XYLB: variants seen among roughly 807,000 people sequenced by gnomAD.
The protein encoded by XYLB is xylulokinase.
XYLB carries 62 observed loss-of-function variants against 78.7 expected under a neutral mutation model. The ratio of observed to expected loss-of-function variants is 0.79; its 90% confidence interval spans 0.64 to 0.97. The LOEUF is 0.97. XYLB is among the 50% of genes least tolerant of loss of function. The pLI is 0.00. For synonymous variants in XYLB, 245 were observed against 247.4 expected, an observed-to-expected ratio of 0.99 and a Z score of 0.09; for missense variants, 687 against 676.8, an observed-to-expected ratio of 1.02 and a Z score of -0.17.
intron 18 of XYLB, among the ~76,000 whole-genome samples, chr3:38,406,143 G>A (rs558972162): frequency 1.3e-5 from 2 of 152,316 alleles, no homozygotes; most frequent in East Asian, 3.9e-4. Context: ...CCCCCAGTAG[G>A]GGCAGATTGA....
At chr3:38,402,147 T>C (rs1708146308) in intron 18 of XYLB, among the ~76,000 whole-genome samples, 1 of 152,132 alleles carries the variant, frequency 6.6e-6, no homozygotes, top group Non-Finnish European at 1.5e-5. Flanking sequence ...TAATAGTCTG[T>C]GATACAACTA....
chr3:38,402,199 C>T (rs1011353908), intron 18 of XYLB, among the ~76,000 whole-genome samples: 2 of 152,134 alleles, frequency 1.3e-5, no homozygotes, highest in African/African-American at 4.8e-5. Context: ...TGTAAAGAAA[C>T]TGCGAGCAAA....
intron 2 of XYLB, among the ~76,000 whole-genome samples, chr3:38,350,413 AATG>A (rs2125546179): frequency 1.3e-5 from 2 of 152,316 alleles, no homozygotes; most frequent in African/African-American, 4.8e-5. Flanking sequence ...TGGGACCAGT[AATG>A]ATGATCTCTT....
rs758783595 is a variant in XYLB at position 38,348,650 on chromosome 3, A to G, written c.140+18A>G. 1 of 1,613,218 alleles carries G rather than the reference A, an allele frequency of 6.2e-7. No individual in the cohort carries two copies. Among genetic ancestry groups the G allele is most frequent in the Non-Finnish European group, 8.5e-7 (1 of 1,179,188 alleles). On this transcript the variant is annotated intron_variant, in intron 2 of 18. Transcript: ENST00000207870. ...GAATTTGGGTATGTACTTGATGTGC[A>G]TGTGTGTGTGATGGGGGTGTTGGTT...
chr3:38,413,012 G>A lies in XYLB; in HGVS notation c.1610G>A (p.Ter537=). 6.3e-7 allele frequency: 1 copy of A among 1,595,812 alleles called. No individual in the cohort carries two copies. Among genetic ancestry groups the A allele is most frequent in the East Asian group, 2.3e-5 (1 of 44,124 alleles). ...ILSQTRGPPE[*] ...TCTCAGACCCGGGGGCCTCCGGAGT[G>A]AACAGGCATCCCTGTTGCCCCTGCC... The change falls in exon 19 of 19, where the codon TGA becomes TAA. Residue 537 remains the stop codon, a stop_retained_variant. Transcript: ENST00000207870.
At chr3:38,443,710 G>A in the XYLB span, among the ~76,000 whole-genome samples, 4 of 152,154 alleles carry the variant, frequency 2.6e-5, no homozygotes, top group East Asian at 1.9e-4. Flanking sequence ...GACTGATTGG[G>A]AAATAAACTT....
At chr3:38,422,461 G>C (rs547653592), downstream of XYLB, among the ~76,000 whole-genome samples, 5 of 152,306 alleles carry the variant, frequency 3.3e-5, no homozygotes, top group East Asian at 5.8e-4. Flanking sequence ...TAACTATTCA[G>C]GGAAAGAAAT....
At chr3:38,369,052 C>T (rs973951532) in intron 8 of XYLB, among the ~76,000 whole-genome samples, 1 of 152,090 alleles carries the variant, frequency 6.6e-6, no homozygotes, top group Non-Finnish European at 1.5e-5. Flanking sequence ...AGAGTGTGGA[C>T]AGAATGGGGG....
chr3:38,423,513 T>C (rs1190006934), downstream of XYLB, among the ~76,000 whole-genome samples: 1 of 152,230 alleles, frequency 6.6e-6, no homozygotes, highest in African/African-American at 2.4e-5. Flanking sequence ...TGGCCTTTAA[T>C]AGTCATAGAT....
In XYLB at chr3:38,391,386, C is replaced by T. The variant is rs187456058; in HGVS notation, c.1292-4119C>T. 2.0e-5 allele frequency among the ~76,000 whole-genome samples: 3 copies of T among 152,228 alleles called. No homozygotes were observed. In the East Asian group the frequency reaches 5.8e-4, roughly 29 times the overall value. On this transcript the variant is annotated intron_variant, in intron 15 of 18. Transcript: ENST00000207870. The stretch of plus-strand genomic sequence containing the variant: ...TCCCTGGAATTCTTTATGGTTTTGC[C>T]AGCTGTGTATGCATTCCTTTAAATA...
chr3:38,422,906 C>T (rs548239052), downstream of XYLB, among the ~76,000 whole-genome samples: 4 of 152,132 alleles, frequency 2.6e-5, no homozygotes, highest in African/African-American at 7.2e-5. Flanking sequence ...GTTAAGCCTC[C>T]GGAACCTATA....
At chr3:38,409,537 G>A (rs1708483955) in intron 18 of XYLB, among the ~76,000 whole-genome samples, 1 of 152,062 alleles carries the variant, frequency 6.6e-6, no homozygotes, top group Admixed American at 6.6e-5. Context: ...TTCTGGCCAG[G>A]GCAATTAGGC....
chr3:38,388,223 T>C (rs1190655634), intron 15 of XYLB, among the ~76,000 whole-genome samples: 1 of 150,176 alleles, frequency 6.7e-6, no homozygotes, highest in African/African-American at 2.4e-5. Context: ...TTTTTAAAAA[T>C]GTATATAGTA....
chr3:38,437,155 G>A, the XYLB span, among the ~76,000 whole-genome samples: 2 of 151,888 alleles, frequency 1.3e-5, no homozygotes, highest in Admixed American at 1.3e-4. Context: ...TCAACAGAAT[G>A]AAGGACAAAA....
intron 15 of XYLB, among the ~76,000 whole-genome samples, chr3:38,390,758 ATCC>A (rs751115552): frequency 1.3e-5 from 2 of 152,200 alleles, no homozygotes; most frequent in Non-Finnish European, 2.9e-5. Flanking sequence ...AGCTCAAGCA[ATCC>A]TCCTCCTGCC....
chr3:38,449,514 T>A, the XYLB span, among the ~76,000 whole-genome samples: 2 of 152,224 alleles, frequency 1.3e-5, no homozygotes, highest in African/African-American at 2.4e-5. Context: ...TGCCTCAGCC[T>A]CCTGATGTGC....
intron 17 of XYLB, among the ~76,000 whole-genome samples, chr3:38,398,641 T>TCTGCCTGCCTGC (rs544081780): frequency 4.7e-5 from 7 of 149,432 alleles, no homozygotes; most frequent in East Asian, 3.9e-4. Flanking sequence ...TACCTATGAG[T>TCTGCCTGCCTGC]CTGCCTGCCT....
Position 38,411,946 on chromosome 3 carries a change from A to G in XYLB, c.1534-990A>G, listed in dbSNP as rs945108204. ...GTAGGGCATATGAGGTTTTGAAGCCAGGGTCATTCTTTTGTCTGTATGATG... is the reference window on the plus strand; with the variant it reads ...GTAGGGCATATGAGGTTTTGAAGCCGGGGTCATTCTTTTGTCTGTATGATG... On this transcript the variant is annotated intron_variant, in intron 18 of 18. Transcript: ENST00000207870. 2.0e-5 allele frequency among the ~76,000 whole-genome samples: 3 copies of G among 150,934 alleles called. No homozygotes were observed. In the East Asian group the frequency reaches 5.8e-4, roughly 29 times the overall value.
chr3:38,416,464 A>G (rs1708797606), downstream of XYLB, among the ~76,000 whole-genome samples: 1 of 152,236 alleles, frequency 6.6e-6, no homozygotes. Flanking sequence ...ACCATCATAC[A>G]GTAAATATAT....
Sources: allele counts gnomAD v4.1 joint callset (sites outside exome capture counted in the v4.1 genomes callset), GRCh38; gene constraint gnomAD v4.1.1; transcripts MANE v1.5; gene names NCBI Gene and HGNC (gene_info 2026-07-23, HGNC 2026-07-21).